The following TRIP12 variants were observed in gnomAD, a reference collection of about 807,000 sequenced individuals.
TRIP12 encodes the protein thyroid hormone receptor interactor 12.
Under a neutral mutation model 244.2 loss-of-function variants are expected in TRIP12, and 25 were observed. The ratio of observed to expected loss-of-function variants is 0.10; its 90% CI spans 0.07 to 0.14. TRIP12 has a LOEUF of 0.14. TRIP12 is among the 10% of genes least tolerant of loss of function. The probability of loss-of-function intolerance (pLI) is 1.00; values close to 1 mark genes in which losing one functional copy is unlikely to be tolerated. For missense variants in TRIP12, 1,677 were observed against 2,486.4 expected, an observed-to-expected ratio of 0.67 and a Z score of 6.92; for synonymous variants, 905 against 873.1, an observed-to-expected ratio of 1.04 and a Z score of -0.64.
Position 229,813,542 on chromosome 2 carries a change from G to C in TRIP12, c.1986+328C>G, listed in dbSNP as rs757068488. On this transcript the variant is annotated intron_variant, in intron 13 of 41. Coordinates refer to ENST00000675903, the MANE Select transcript of TRIP12 (RefSeq NM_001348323.3). ...CTCACGCCTGTAATCCCAGCACTAT[G>C]GGGGGCTGAGGTGGGTGGATCACCT... Among the ~76,000 whole-genome samples the C allele has an allele frequency of 1.3e-5, 2 of 152,184 alleles. 1 individual carries two copies. Among genetic ancestry groups the C allele is most frequent in the Non-Finnish European group, 2.9e-5 (2 of 68,026 alleles).
intron 18 of TRIP12, among the ~76,000 whole-genome samples, chr2:229,805,309 G>A (rs1381546736): frequency 6.6e-6 from 1 of 152,112 alleles, no homozygotes; most frequent in East Asian, 1.9e-4. Flanking sequence ...CTAAATCCCT[G>A]AGGGGACAGA....
At chr2:229,918,788 C>A (rs945713891) in intron 1 of TRIP12, among the ~76,000 whole-genome samples, 1 of 152,180 alleles carries the variant, frequency 6.6e-6, no homozygotes, top group Non-Finnish European at 1.5e-5. Context: ...ACCACCACGA[C>A]TAATGAGAAG....
chr2:229,809,979 G>GT (rs2046866823), intron 15 of TRIP12, among the ~76,000 whole-genome samples: 1 of 152,122 alleles, frequency 6.6e-6, no homozygotes, highest in Non-Finnish European at 1.5e-5. Flanking sequence ...GACTCCCAAG[G>GT]TAACATCCAT....
At chr2:229,898,186 A>G (rs570568112) in intron 1 of TRIP12, among the ~76,000 whole-genome samples, 2 of 152,346 alleles carry the variant, frequency 1.3e-5, no homozygotes, top group South Asian at 2.1e-4. Flanking sequence ...ACACACATTG[A>G]TAAGTCAATG....
At chr2:229,910,913 TA>T (rs1367133954) in intron 1 of TRIP12, among the ~76,000 whole-genome samples, 2 of 152,218 alleles carry the variant, frequency 1.3e-5, no homozygotes, top group Non-Finnish European at 2.9e-5. Flanking sequence ...AAGTTAAGAC[TA>T]CTGAATCTTC....
chr2:229,834,760 AAAG>A (rs2154302612), intron 6 of TRIP12, among the ~76,000 whole-genome samples: 1 of 152,276 alleles, frequency 6.6e-6, no homozygotes, highest in South Asian at 2.1e-4. Context: ...ACTTTTCCTC[AAAG>A]AAGAAAAAAA....
At chr2:229,785,451 G>T (rs2039723946) in intron 34 of TRIP12, among the ~76,000 whole-genome samples, 1 of 152,158 alleles carries the variant, frequency 6.6e-6, no homozygotes, top group African/African-American at 2.4e-5. Context: ...TTATATCTCA[G>T]TAAACCTGAT....
intron 1 of TRIP12, among the ~76,000 whole-genome samples, chr2:229,918,177 G>A (rs2075858596): frequency 6.6e-6 from 1 of 152,230 alleles, no homozygotes; most frequent in Non-Finnish European, 1.5e-5. Context: ...GAAGACATGA[G>A]TTGTAAGTTG....
intron 1 of TRIP12, among the ~76,000 whole-genome samples, chr2:229,897,798 C>T (rs1040211651): frequency 4.6e-5 from 7 of 152,256 alleles, no homozygotes; most frequent in Non-Finnish European, 7.3e-5. Context: ...TGGGTACTTA[C>T]ATTAGACAAC....
At chr2:229,780,095 C>G (rs2037606776) in intron 34 of TRIP12, among the ~76,000 whole-genome samples, 1 of 152,182 alleles carries the variant, frequency 6.6e-6, no homozygotes, top group Admixed American at 6.5e-5. Flanking sequence ...AGGTAGTCCA[C>G]TAAACGTTTA....
Position 229,764,122 on chromosome 2 carries a change from T to A in TRIP12, c.*3432A>T, listed in dbSNP as rs1381515595. 1.3e-5 allele frequency: 2 copies of A among 152,248 alleles called. No homozygotes were observed. Among genetic ancestry groups the A allele is most frequent in the Non-Finnish European group, 2.9e-5 (2 of 68,034 alleles). 9.4% of individuals were successfully genotyped at this position (152,248 alleles called of 1,614,324 possible). A position where few individuals can be genotyped will look rare whatever the true frequency, so the allele number is the denominator to read the frequency against. ...TTAGCATTAAGAACTTTTCCTTGCA[T>A]AAGAATTGTTAACTTGAAGTTCTTG... On this transcript the variant is annotated 3_prime_UTR_variant, in exon 42 of 42. Transcript: ENST00000675903.
chr2:229,872,953 G>A (rs1214021956), intron 2 of TRIP12, among the ~76,000 whole-genome samples: 1 of 152,172 alleles, frequency 6.6e-6, no homozygotes, highest in Non-Finnish European at 1.5e-5. Context: ...AAACTGGTAA[G>A]TATCAGCTAA....
intron 7 of TRIP12, among the ~76,000 whole-genome samples, chr2:229,829,778 G>A (rs942089668): frequency 4.6e-5 from 7 of 152,074 alleles, no homozygotes; most frequent in African/African-American, 1.4e-4. Flanking sequence ...ATGAAAGCCC[G>A]CCTCTACTAA....
chr2:229,898,442 A>G (rs998584379), intron 1 of TRIP12, among the ~76,000 whole-genome samples: 5 of 152,224 alleles, frequency 3.3e-5, no homozygotes, highest in African/African-American at 4.8e-5. Flanking sequence ...GCCATTACTC[A>G]CATTTAACAC....
In TRIP12 at chr2:229,918,102, G is replaced by A. The variant is rs142096802; in HGVS notation, c.-50+3778C>T. Among the ~76,000 whole-genome samples the A allele has an allele frequency of 1.2e-3, 178 of 152,336 alleles. 1 individual carries two copies. The highest frequency in any genetic ancestry group is 6.8e-3 in the Middle Eastern group (2 of 294). ...AAATGCAATACTGTAATGCAGAAACGAAGCAAGTACAGTTAATCAGAAATA... is the reference window on the plus strand; with the variant it reads ...AAATGCAATACTGTAATGCAGAAACAAAGCAAGTACAGTTAATCAGAAATA... On this transcript the variant is annotated intron_variant, in intron 1 of 41. Coordinates refer to ENST00000675903, the MANE Select transcript of TRIP12 (RefSeq NM_001348323.3).
intron 4 of TRIP12, among the ~76,000 whole-genome samples, chr2:229,843,797 G>A (rs781417172): frequency 1.4e-4 from 22 of 152,192 alleles, no homozygotes; most frequent in Non-Finnish European, 2.8e-4. Flanking sequence ...AAGCTGACGC[G>A]GGAGGATCCC....
At chr2:229,826,436 G>T (rs1487894688) in intron 8 of TRIP12, among the ~76,000 whole-genome samples, 1 of 152,116 alleles carries the variant, frequency 6.6e-6, no homozygotes, top group African/African-American at 2.4e-5. Flanking sequence ...GACATCTATT[G>T]GGTATCTATT....
In TRIP12 at chr2:229,880,813, G is replaced by A. The variant is rs549212380; in HGVS notation, c.-49-685C>T. ...ACAAAAATTAGCCAGGTGTGGTGGC[G>A]CACATTTGTAAACCCAGCAACTTGG... On this transcript the variant is annotated intron_variant, in intron 1 of 41. Coordinates refer to ENST00000675903, the MANE Select transcript of TRIP12 (RefSeq NM_001348323.3). Among the ~76,000 whole-genome samples the A allele has an allele frequency of 7.9e-5, 12 of 152,086 alleles. No homozygotes were observed. The East Asian group carries it at 1.2e-3, about 15-fold the overall frequency.
chr2:229,890,039 T>C (rs992192371), intron 1 of TRIP12, among the ~76,000 whole-genome samples: 2 of 152,086 alleles, frequency 1.3e-5, no homozygotes, highest in Middle Eastern at 3.2e-3. Flanking sequence ...CTTGTCACTA[T>C]TGTGAACTCC....
Sources: allele counts gnomAD v4.1 joint callset (sites outside exome capture counted in the v4.1 genomes callset), GRCh38; gene constraint gnomAD v4.1.1; transcripts MANE v1.5; gene names NCBI Gene and HGNC (gene_info 2026-07-23, HGNC 2026-07-21).